The following ELAPOR2 variants were observed in gnomAD, a reference collection of about 807,000 sequenced individuals.
The protein encoded by ELAPOR2 is endosome-lysosome associated apoptosis and autophagy regulator family member 2.
Under a neutral mutation model 120.7 loss-of-function variants are expected in ELAPOR2, and 89 were observed. The ratio of observed to expected loss-of-function variants is 0.74; its 90% confidence interval spans 0.62 to 0.88. The LOEUF (loss-of-function observed/expected upper bound fraction) is 0.88, where lower values mean the gene tolerates loss of function less well. Among genes scored for constraint, ELAPOR2 ranks in the 40% least tolerant of loss-of-function variants. The pLI is 0.00. For synonymous variants in ELAPOR2, 444 were observed against 444.9 expected (o/e 1.00, Z 0.03); for missense variants, 1,134 against 1,251.6 (o/e 0.91, Z 1.42).
intron 12 of ELAPOR2, 55 bp from the exon 13 acceptor site, chr7:86,914,915 T>A: frequency 7.6e-7 from 1 of 1,319,296 alleles, no homozygotes; most frequent in Non-Finnish European, 1.1e-6. Flanking sequence ...AACATTAATA[T>A]ACCTGTGTAT....
At chr7:86,980,957 G>A (rs954255612) in intron 1 of ELAPOR2, among the ~76,000 whole-genome samples, 1 of 152,132 alleles carries the variant, frequency 6.6e-6, no homozygotes, top group Non-Finnish European at 1.5e-5. Flanking sequence ...GCCTGGAGAG[G>A]CTGACCTTTC....
At chr7:86,971,020 T>C (rs925929232) in intron 1 of ELAPOR2, among the ~76,000 whole-genome samples, 3 of 152,286 alleles carry the variant, frequency 2.0e-5, no homozygotes, top group African/African-American at 7.2e-5. Context: ...ATGGGGCTTA[T>C]ATTCTAGTTT....
chr7:87,052,781 GT>G (rs779027694), intron 1 of ELAPOR2, among the ~76,000 whole-genome samples: 6 of 138,168 alleles, frequency 4.3e-5, no homozygotes, highest in African/African-American at 1.7e-4. Context: ...GTTTTCTTTT[GT>G]TTTGTTTTGT....
At chr7:86,906,217 C>T (rs1028037864) in intron 18 of ELAPOR2, among the ~76,000 whole-genome samples, 3 of 152,070 alleles carry the variant, frequency 2.0e-5, no homozygotes, top group Admixed American at 2.0e-4. Flanking sequence ...TGATGAAAGA[C>T]ACACTCTTTT....
chr7:87,029,289 T>C (rs996966688), intron 1 of ELAPOR2, among the ~76,000 whole-genome samples: 1 of 152,178 alleles, frequency 6.6e-6, no homozygotes, highest in Non-Finnish European at 1.5e-5. Context: ...TGGCCTGGCA[T>C]AGAGTAGATA....
At chr7:86,896,738 C>T (rs755901340) in intron 19 of ELAPOR2, among the ~76,000 whole-genome samples, 1 of 152,074 alleles carries the variant, frequency 6.6e-6, no homozygotes, top group Non-Finnish European at 1.5e-5. Flanking sequence ...GTGAAGCAGG[C>T]TCTCTCAAAC....
chr7:86,924,240 A>G (rs1168178545), intron 10 of ELAPOR2, among the ~76,000 whole-genome samples: 1 of 152,072 alleles, frequency 6.6e-6, no homozygotes, highest in East Asian at 1.9e-4. Context: ...CTGAAAACTA[A>G]GCAAAATTTA....
chr7:86,920,254 G>T (rs1278130198), intron 10 of ELAPOR2, among the ~76,000 whole-genome samples: 1 of 152,160 alleles, frequency 6.6e-6, no homozygotes, highest in Non-Finnish European at 1.5e-5. Flanking sequence ...TTATAAGACA[G>T]ATGTCCATTG....
intron 1 of ELAPOR2, among the ~76,000 whole-genome samples, chr7:86,993,469 T>C (rs1304804088): frequency 6.6e-6 from 1 of 152,062 alleles, no homozygotes; most frequent in Non-Finnish European, 1.5e-5. Flanking sequence ...AATACCATTA[T>C]TACTGAGTGA....
At chr7:86,895,600 C>T (rs1316099940) in intron 19 of ELAPOR2, among the ~76,000 whole-genome samples, 2 of 152,092 alleles carry the variant, frequency 1.3e-5, no homozygotes, top group Non-Finnish European at 2.9e-5. Context: ...AAGAATCACA[C>T]AGCAACTATC....
At chr7:86,974,367 G>A (rs1792202694) in intron 1 of ELAPOR2, among the ~76,000 whole-genome samples, 1 of 152,044 alleles carries the variant, frequency 6.6e-6, no homozygotes, top group African/African-American at 2.4e-5. Context: ...AGGAAGCCAT[G>A]TTTGTATCAT....
At chr7:86,960,953 G>T (rs1441012232) in intron 2 of ELAPOR2, among the ~76,000 whole-genome samples, 1 of 152,068 alleles carries the variant, frequency 6.6e-6, no homozygotes, top group African/African-American at 2.4e-5. Context: ...AATATTAGAA[G>T]TTTATAACCA....
At chr7:87,049,983 TTCTC>T (rs1380156349) in intron 1 of ELAPOR2, among the ~76,000 whole-genome samples, 1 of 152,204 alleles carries the variant, frequency 6.6e-6, no homozygotes, top group African/African-American at 2.4e-5. Context: ...CTTGCACTTG[TTCTC>T]TTTCTCTCTC....
rs376940774 is a variant in ELAPOR2, at chr7:86,912,186, C to T, written c.2055G>A (p.Leu685=). Residue 685 remains leucine (L), a synonymous_variant, in exon 15 of 22, where the codon TTG becomes TTA. Transcript: ENST00000450689. ...TGCTGAGGTTGCTAAAGTCATAGTG[C>T]AAACTCTGATTTTCTTTTTCATGGT... ...FFYHEKENQS[L]HYDFSNLSSV... 69 of 1,609,956 alleles carry T rather than the reference C, an allele frequency of 4.3e-5. No homozygotes were observed. Among genetic ancestry groups the T allele is most frequent in the African/African-American group, 2.1e-4 (16 of 74,860 alleles).
chr7:87,012,969 T>G (rs1793740077), intron 1 of ELAPOR2, among the ~76,000 whole-genome samples: 1 of 152,148 alleles, frequency 6.6e-6, no homozygotes, highest in South Asian at 2.1e-4. Flanking sequence ...AGGTTGGAAA[T>G]AAAGCACAAA....
chr7:86,902,234 T>C (rs1788760066), intron 18 of ELAPOR2, among the ~76,000 whole-genome samples: 1 of 152,140 alleles, frequency 6.6e-6, no homozygotes, highest in Admixed American at 6.5e-5. Flanking sequence ...TGGGGTGCTA[T>C]GGCGCGATCT....
chr7:86,910,241 A>T (rs1207851938), intron 15 of ELAPOR2, among the ~76,000 whole-genome samples: 1 of 152,140 alleles, frequency 6.6e-6, no homozygotes, highest in Non-Finnish European at 1.5e-5. Flanking sequence ...ATTCAAGACT[A>T]TACTGCTCTT....
intron 1 of ELAPOR2, among the ~76,000 whole-genome samples, chr7:87,042,176 C>A (rs1438588012): frequency 2.1e-4 from 31 of 150,112 alleles, no homozygotes; most frequent in Admixed American, 9.3e-4. Context: ...ACTTTAACAC[C>A]CCACTGTCAA....
Position 86,966,831 on chromosome 7 carries a change from G to A in ELAPOR2, c.190-1807C>T, listed in dbSNP as rs557730016. Among the ~76,000 whole-genome samples the A allele has an allele frequency of 1.0e-3, 153 of 152,146 alleles. No homozygotes were observed. In the Middle Eastern group the frequency reaches 0.02, roughly 20 times the overall value. On this transcript the variant is annotated intron_variant, in intron 1 of 21. Coordinates refer to ENST00000450689, the MANE Select transcript of ELAPOR2 (RefSeq NM_001142749.3). ...CTCCTTGACCCTTCCAGGTTCTGGCGGCTGCCACCATTTATTGCCCTGTGG... is the reference window on the plus strand; with the variant it reads ...CTCCTTGACCCTTCCAGGTTCTGGCAGCTGCCACCATTTATTGCCCTGTGG...
Sources: allele counts gnomAD v4.1 joint callset (sites outside exome capture counted in the v4.1 genomes callset), GRCh38; gene constraint gnomAD v4.1.1; transcripts MANE v1.5; gene names NCBI Gene and HGNC (gene_info 2026-07-23, HGNC 2026-07-21).